Variants in LAMA2 observed in about 807,000 individuals in gnomAD.
The protein encoded by LAMA2 is laminin subunit alpha 2, also known as laminin subunit alpha-2.
LAMA2 carries 269 observed loss-of-function variants against 364.8 expected under a neutral mutation model. The observed-to-expected ratio is 0.74, with a 90% CI of 0.67 to 0.82. The LOEUF is 0.82. LAMA2 is among the 40% of genes least tolerant of loss of function. The probability of loss-of-function intolerance (pLI) is 0.00; values close to 1 mark genes in which losing one functional copy is unlikely to be tolerated. For synonymous variants in LAMA2, 1,379 were observed against 1,370.6 expected (o/e 1.01, Z -0.14); for missense variants, 3,807 against 3,873.2 (o/e 0.98, Z 0.45).
At chr6:129,279,101 T>C (rs531692174) in intron 17 of LAMA2, among the ~76,000 whole-genome samples, 110 of 152,238 alleles carry the variant, frequency 7.2e-4, no homozygotes, top group African/African-American at 2.6e-3. Context: ...AGAAAACAAA[T>C]CTACTTAGGG....
chr6:129,172,343 A>G (rs915252499), intron 9 of LAMA2, among the ~76,000 whole-genome samples: 3 of 152,024 alleles, frequency 2.0e-5, no homozygotes, highest in African/African-American at 7.2e-5. Context: ...TGATGTACAG[A>G]TGGGTTTTTC....
At chr6:128,894,916 T>C (rs1349783490) in intron 1 of LAMA2, among the ~76,000 whole-genome samples, 1 of 152,322 alleles carries the variant, frequency 6.6e-6, no homozygotes, top group Middle Eastern at 3.4e-3. Flanking sequence ...AAAGGATTTT[T>C]GAACTTGTGT....
At chr6:129,257,326 T>C (rs964053207) in intron 14 of LAMA2, among the ~76,000 whole-genome samples, 3 of 152,076 alleles carry the variant, frequency 2.0e-5, no homozygotes, top group African/African-American at 4.8e-5. Flanking sequence ...CAGTGAGTAC[T>C]AATGTGGAAT....
chr6:129,320,636 A>T lies in LAMA2; in HGVS notation c.4157A>T (p.Tyr1386Phe), dbSNP rs560139751. Reference protein sequence around the residue: ...LIEKCDCPLGYSGLSCEACLP... With the variant: ...LIEKCDCPLGFSGLSCEACLP... ...GAAAAATGTGATTGTCCCCTGGGCTATTCTGGCCTGTCCTGTGAGGTAAGC... is the reference window on the plus strand; with the variant it reads ...GAAAAATGTGATTGTCCCCTGGGCTTTTCTGGCCTGTCCTGTGAGGTAAGC... The change falls in exon 28 of 65, where the codon TAT (tyrosine) becomes TTT (phenylalanine). Residue 1386 changes from tyrosine to phenylalanine, a missense_variant. Around this residue, in one of 3 missense-constraint regions of LAMA2, gnomAD observed 3,333 missense variants for 3,345.7 expected, o/e 1.00. Coordinates refer to ENST00000421865, the MANE Select transcript of LAMA2 (RefSeq NM_000426.4). 94 of 1,609,980 alleles carry T rather than the reference A, an allele frequency of 5.8e-5. 1 individual carries two copies. The East Asian group carries it at 1.9e-3, about 32-fold the overall frequency.
intron 41 of LAMA2, among the ~76,000 whole-genome samples, chr6:129,431,570 G>T (rs1781598236): frequency 6.6e-6 from 1 of 152,042 alleles, no homozygotes; most frequent in Non-Finnish European, 1.5e-5. Context: ...TGCAGGGGTT[G>T]GAGAGCATGG....
intron 32 of LAMA2, among the ~76,000 whole-genome samples, chr6:129,360,827 A>G (rs562257612): frequency 2.1e-4 from 32 of 152,204 alleles, no homozygotes; most frequent in Non-Finnish European, 4.3e-4. Flanking sequence ...TTGGCATTCT[A>G]GTACACCGTA....
chr6:129,412,320 T>C (rs1780577191), intron 40 of LAMA2, among the ~76,000 whole-genome samples: 1 of 152,094 alleles, frequency 6.6e-6, no homozygotes, highest in Admixed American at 6.6e-5. Flanking sequence ...CCCAACATCA[T>C]GGAGGGTGAC....
intron 30 of LAMA2, among the ~76,000 whole-genome samples, chr6:129,344,567 C>T (rs1014806596): frequency 6.6e-6 from 1 of 152,068 alleles, no homozygotes; most frequent in African/African-American, 2.4e-5. Context: ...CTGAAAATTG[C>T]AGGAGCAGAT....
At chr6:129,114,670 G>A (rs934696029) in intron 4 of LAMA2, among the ~76,000 whole-genome samples, 2 of 151,828 alleles carry the variant, frequency 1.3e-5, no homozygotes, top group African/African-American at 4.8e-5. Flanking sequence ...AGATGATTAG[G>A]TAGTTGAAAG....
chr6:129,413,112 A>T (rs1371203840), intron 40 of LAMA2, among the ~76,000 whole-genome samples: 3 of 152,230 alleles, frequency 2.0e-5, no homozygotes, highest in Non-Finnish European at 4.4e-5. Context: ...ATGAGAGATA[A>T]GATACACTAT....
chr6:129,452,865 A>C lies in LAMA2; in HGVS notation c.6430-123A>C, dbSNP rs940872483. 3.7e-6 allele frequency: 3 copies of C among 821,564 alleles called. No homozygotes were observed. The African/African-American group carries it at 5.1e-5, about 14-fold the overall frequency. The allele number at this position is 821,564 out of a possible 1,614,324, so 50.9% of individuals were successfully genotyped here. On this transcript the variant is annotated intron_variant, in intron 45 of 64. Coordinates refer to ENST00000421865, the MANE Select transcript of LAMA2 (RefSeq NM_000426.4). ...TGTCTGCATATGGGTGTTTAATGAT[A>C]GTATTTGATGATAGAAAATAACTTC... is the stretch of plus-strand genomic sequence containing the variant.
At chr6:128,949,744 T>C (rs1284682179) in intron 1 of LAMA2, among the ~76,000 whole-genome samples, 2 of 152,172 alleles carry the variant, frequency 1.3e-5, no homozygotes, top group Non-Finnish European at 2.9e-5. Context: ...CACAAGTCTT[T>C]TGTAACTTAT....
chr6:128,894,945 G>A (rs1776671640), intron 1 of LAMA2, among the ~76,000 whole-genome samples: 1 of 152,176 alleles, frequency 6.6e-6, no homozygotes, highest in Non-Finnish European at 1.5e-5. Context: ...ATAATGTATT[G>A]TGGACTCCCA....
intron 62 of LAMA2, among the ~76,000 whole-genome samples, chr6:129,509,350 T>C (rs1006540166): frequency 6.6e-6 from 1 of 152,208 alleles, no homozygotes; most frequent in Non-Finnish European, 1.5e-5. Context: ...CAGAAGCTTT[T>C]TAACTTGATG....
chr6:129,453,179 T>C (rs1202257899), intron 46 of LAMA2, 48 bp downstream of exon 46: 1 of 1,525,186 alleles, frequency 6.6e-7, no homozygotes, highest in Non-Finnish European at 9.1e-7. Context: ...TGTGTATAGC[T>C]AGAGGTTAAT....
At chr6:128,892,419 T>C (rs941802424) in intron 1 of LAMA2, among the ~76,000 whole-genome samples, 2 of 152,056 alleles carry the variant, frequency 1.3e-5, no homozygotes, top group Non-Finnish European at 2.9e-5. Flanking sequence ...AAACGTTTTT[T>C]CTAGGAATCT....
Position 129,167,848 on chromosome 6 carries a change from T to C in LAMA2, c.1306+2173T>C, listed in dbSNP as rs371819889. On this transcript the variant is annotated intron_variant, in intron 9 of 64. Transcript: ENST00000421865. Reference sequence around the variant, plus strand: ...CTGTTGTTTCCTGACTTTTTAATGATTGCCATTCTAACTGGTGTGAGATGG... The same window carrying C: ...CTGTTGTTTCCTGACTTTTTAATGACTGCCATTCTAACTGGTGTGAGATGG... Among the ~76,000 whole-genome samples the C allele has an allele frequency of 6.0e-4, 90 of 151,058 alleles. 1 individual carries two copies. Among genetic ancestry groups the C allele is most frequent in the African/African-American group, 1.9e-3 (78 of 40,788 alleles).
intron 34 of LAMA2, among the ~76,000 whole-genome samples, chr6:129,371,607 CTTTTTT>C (rs376262275): frequency 1.5e-5 from 2 of 132,576 alleles, no homozygotes; most frequent in Non-Finnish European, 3.2e-5. Context: ...AAAAGTATTT[CTTTTTT>C]TTTTTTTTTT....
chr6:129,292,695 C>G (rs754078283), intron 20 of LAMA2: 95 of 509,084 alleles, frequency 1.9e-4, no homozygotes, highest in Non-Finnish European at 2.3e-4. Context: ...TCTCCGATGT[C>G]AAACTGGCCT....
Sources: gnomAD v4.1 joint callset for allele counts (sites outside exome capture counted in the v4.1 genomes callset) on GRCh38, gnomAD v4.1.1 for gene constraint, gnomAD v4.1.1 regional missense constraint, MANE v1.5 for transcripts, NCBI Gene and HGNC (gene_info 2026-07-23, HGNC 2026-07-21) for gene names.